The following PDE10A variants were observed in gnomAD, a reference collection of about 807,000 sequenced individuals.
PDE10A encodes cAMP and cAMP-inhibited cGMP 3',5'-cyclic phosphodiesterase 10A.
A neutral mutation model predicts 97.7 loss-of-function variants in PDE10A; 39 were observed. The ratio of observed to expected loss-of-function variants is 0.40; its 90% CI spans 0.31 to 0.52. PDE10A has a LOEUF of 0.52. PDE10A is among the 20% of genes least tolerant of loss of function. PDE10A has a pLI of 0.56. For synonymous variants in PDE10A, 371 were observed against 376.8 expected (o/e 0.98, Z 0.18); for missense variants, 731 against 1,047.8 (o/e 0.70, Z 4.17).
At chr6:165,774,951 A>G (rs895962324) in intron 1 of PDE10A, 13 of 151,310 alleles carry the variant, frequency 8.6e-5, no homozygotes, top group African/African-American at 1.9e-4. Flanking sequence ...TGATTTGAAG[A>G]CCTTCGAAAG....
chr6:165,796,276 T>C (rs1413302418), intron 1 of PDE10A, among the ~76,000 whole-genome samples: 2 of 152,012 alleles, frequency 1.3e-5, no homozygotes, highest in Admixed American at 6.5e-5. Context: ...TTTGTAGAGA[T>C]GGGGTTTCAC....
At chr6:165,333,603 T>C (rs1266330382) in intron 21 of PDE10A, among the ~76,000 whole-genome samples, 3 of 152,186 alleles carry the variant, frequency 2.0e-5, no homozygotes, top group African/African-American at 7.2e-5. Flanking sequence ...TTCTGAACAG[T>C]GTGTCGTATG....
intron 1 of PDE10A, among the ~76,000 whole-genome samples, chr6:165,777,444 A>G (rs1778217274): frequency 1.3e-5 from 2 of 152,220 alleles, no homozygotes; most frequent in African/African-American, 2.4e-5. Context: ...GCACTCAACA[A>G]AAACCCTGAT....
chr6:165,617,340 T>C (rs2128404672), intron 1 of PDE10A, among the ~76,000 whole-genome samples: 1 of 152,314 alleles, frequency 6.6e-6, no homozygotes, highest in East Asian at 1.9e-4. Flanking sequence ...AAGTTCAATA[T>C]GAATTTAAAA....
intron 1 of PDE10A, among the ~76,000 whole-genome samples, chr6:165,818,158 C>T (rs1015820900): frequency 3.3e-5 from 5 of 152,204 alleles, no homozygotes; most frequent in African/African-American, 1.2e-4. Context: ...TGATTGCAAG[C>T]TTTCATCTGC....
At chr6:165,923,198 T>C (rs1057377947) in intron 1 of PDE10A, among the ~76,000 whole-genome samples, 1 of 152,256 alleles carries the variant, frequency 6.6e-6, no homozygotes, top group African/African-American at 2.4e-5. Context: ...TCTTTTTACA[T>C]GGTTAGACAA....
At chr6:165,707,414 A>G (rs1409214214) in intron 1 of PDE10A, among the ~76,000 whole-genome samples, 1 of 152,246 alleles carries the variant, frequency 6.6e-6, no homozygotes, top group Non-Finnish European at 1.5e-5. Flanking sequence ...CTGAGAGTCC[A>G]GCGTCTCTAT....
chr6:165,854,374 G>A lies in PDE10A; in HGVS notation c.-615+133155C>T, dbSNP rs374451140. Among the ~76,000 whole-genome samples, 14 of 152,170 alleles carry A rather than the reference G, an allele frequency of 9.2e-5. No homozygotes were observed. The East Asian group carries it at 1.2e-3, about 13-fold the overall frequency. The stretch of plus-strand genomic sequence containing the variant: ...GTGGTCCCTGGGGAACGGGGAGTGA[G>A]GCCGGAAGGAGAGAAAGCCAAGACC... On this transcript the variant is annotated intron_variant, in intron 1 of 19. Coordinates refer to the PDE10A transcript ENST00000366882.
intron 3 of PDE10A, among the ~76,000 whole-genome samples, chr6:165,470,218 A>T (rs1365778049): frequency 6.6e-6 from 1 of 152,146 alleles, no homozygotes; most frequent in East Asian, 1.9e-4. Flanking sequence ...GAGGCAGTGG[A>T]GTTTCAACAG....
chr6:165,423,504 G>A (rs201650814), intron 10 of PDE10A, among the ~76,000 whole-genome samples: 1 of 152,122 alleles, frequency 6.6e-6, no homozygotes, highest in East Asian at 1.9e-4. Flanking sequence ...GAACTGCTCT[G>A]CCTAAATGTC....
rs760699457 is a variant in PDE10A at position 165,482,193 on chromosome 6, A to G, written c.1023+122T>C. ...TCCATATTAATGAGTGATACTTTGG[A>G]GAGGAAACTCAGTTTTTGCCATAAT... On this transcript the variant is annotated intron_variant, in intron 3 of 21. Coordinates refer to ENST00000539869, the MANE Select transcript of PDE10A (RefSeq NM_001385079.1). The G allele has an allele frequency of 1.3e-5, 10 of 762,966 alleles. No individual in the cohort carries two copies. In the African/African-American group the frequency reaches 1.4e-4, roughly 10 times the overall value. 47.3% of individuals were successfully genotyped at this position (762,966 alleles called of 1,614,324 possible).
At chr6:165,757,378 G>T (rs930859390) in intron 1 of PDE10A, among the ~76,000 whole-genome samples, 3 of 150,846 alleles carry the variant, frequency 2.0e-5, no homozygotes, top group African/African-American at 4.9e-5. Flanking sequence ...ATGAACACTG[G>T]TTTTTTTTTA....
intron 1 of PDE10A, among the ~76,000 whole-genome samples, chr6:165,840,469 C>T (rs1780229259): frequency 6.6e-6 from 1 of 152,182 alleles, no homozygotes; most frequent in African/African-American, 2.4e-5. Flanking sequence ...CACTTGTAGT[C>T]ATTACCATAT....
chr6:165,723,174 G>A (rs951488307), intron 1 of PDE10A, among the ~76,000 whole-genome samples: 1 of 152,156 alleles, frequency 6.6e-6, no homozygotes, highest in Admixed American at 6.5e-5. Flanking sequence ...CGTGGTCACA[G>A]CCACACAGCC....
At chr6:165,932,305 G>A (rs1017408672) in intron 1 of PDE10A, among the ~76,000 whole-genome samples, 3 of 151,970 alleles carry the variant, frequency 2.0e-5, no homozygotes, top group Non-Finnish European at 4.4e-5. Context: ...GAATAATAGT[G>A]TGGACAGCCA....
chr6:165,459,760 T>C (rs909120366), intron 3 of PDE10A, among the ~76,000 whole-genome samples: 3 of 152,102 alleles, frequency 2.0e-5, no homozygotes, highest in East Asian at 1.9e-4. Context: ...GTAATCTGCA[T>C]AAAGCTACTC....
intron 1 of PDE10A, among the ~76,000 whole-genome samples, chr6:165,768,215 G>A (rs561669456): frequency 6.6e-6 from 1 of 152,270 alleles, no homozygotes; most frequent in East Asian, 1.9e-4. Context: ...TGATTTGCAA[G>A]TATTTTCTCC....
chr6:165,533,166 T>C (rs1218691759), intron 2 of PDE10A, among the ~76,000 whole-genome samples: 1 of 152,218 alleles, frequency 6.6e-6, no homozygotes, highest in African/African-American at 2.4e-5. Context: ...AAAATAACCT[T>C]ATTCTTTGAT....
At chr6:165,673,331 G>A (rs1162101167) in intron 1 of PDE10A, among the ~76,000 whole-genome samples, 2 of 152,178 alleles carry the variant, frequency 1.3e-5, no homozygotes, top group Non-Finnish European at 2.9e-5. Context: ...TCTTCCAGGA[G>A]TCCATAGCCC....
Sources: allele counts gnomAD v4.1 joint callset (sites outside exome capture counted in the v4.1 genomes callset), GRCh38; gene constraint gnomAD v4.1.1; transcripts MANE v1.5; gene names NCBI Gene and HGNC (gene_info 2026-07-23, HGNC 2026-07-21).